TENM1: variants seen among roughly 807,000 people sequenced by gnomAD.
TENM1 encodes teneurin-1.
TENM1 carries 35 observed loss-of-function variants against 174.8 expected under a neutral mutation model. The observed-to-expected ratio is 0.20, with a 90% CI of 0.15 to 0.27. The LOEUF (loss-of-function observed/expected upper bound fraction) is 0.27, where lower values mean the gene tolerates loss of function less well. TENM1 is among the 10% of genes least tolerant of loss of function. The pLI is 1.00. For missense variants in TENM1, 1,633 were observed against 2,130.1 expected (o/e 0.77, Z 4.59); for synonymous variants, 781 against 798.7 (o/e 0.98, Z 0.37).
At chrX:124,889,098 T>A (rs2057434443) in intron 3 of TENM1, among the ~76,000 whole-genome samples, 1 of 112,250 alleles carries the variant, frequency 8.9e-6, no homozygotes, top group Non-Finnish European at 1.9e-5. Context: ...ATCTTTATCA[T>A]GGTATTAACT....
intron 3 of TENM1, among the ~76,000 whole-genome samples, chrX:124,748,394 T>G (rs907350623): frequency 5.1e-4 from 56 of 110,367 alleles, no homozygotes; most frequent in African/African-American, 1.5e-3. Flanking sequence ...TAAATTTTAT[T>G]GTTATGTGTA....
chrX:124,717,487 AACAG>A (rs2053213753), intron 4 of TENM1, among the ~76,000 whole-genome samples: 1 of 111,790 alleles, frequency 8.9e-6, no homozygotes, highest in African/African-American at 3.3e-5. Context: ...ATTATAGGGG[AACAG>A]ACAAAGAAAT....
At chrX:124,520,592 T>A (rs149800873) in exon 18 of TENM1, 2 of 1,209,412 alleles carry the variant, frequency 1.7e-6, no homozygotes, top group Non-Finnish European at 2.2e-6. Context: ...TAGACAAGAT[T>A]AATTGCGGCG....
In TENM1 at chrX:124,951,553, G is replaced by GT. The variant is rs749846003; in HGVS notation, c.217+11983dup. 6.5e-3 allele frequency among the ~76,000 whole-genome samples: 683 copies of GT among 105,380 alleles called. 3 individuals are homozygous for GT. The highest frequency in any genetic ancestry group is 0.023 in the African/African-American group (656 of 29,140). 91.5% of individuals were successfully genotyped at this position (105,380 alleles called of 115,157 possible). A position where few individuals can be genotyped will look rare whatever the true frequency, so the allele number is the denominator to read the frequency against. On this transcript the variant is annotated intron_variant, in intron 1 of 31. Transcript: ENST00000422452. ...GGTTATGAACTTGGACTTCAGTTGT[G>GT]TAATTATTTTATCTAAACTTGATTT...
intron 3 of TENM1, among the ~76,000 whole-genome samples, chrX:124,773,963 G>A (rs1272452367): frequency 1.8e-5 from 2 of 111,831 alleles, no homozygotes; most frequent in East Asian, 5.6e-4. Flanking sequence ...GGATTAGAGA[G>A]CCTGGCAGAG....
At chrX:125,165,164 T>C in the TENM1 span, among the ~76,000 whole-genome samples, 9 of 111,691 alleles carry the variant, frequency 8.1e-5, no homozygotes, top group African/African-American at 2.6e-4. Flanking sequence ...TTAACAAAAT[T>C]ATACCAATTC....
In TENM1 at chrX:124,645,087, T is replaced by C. The variant is rs1405371205; in HGVS notation, c.1876+56A>G. 9 of 1,131,627 alleles carry C rather than the reference T, an allele frequency of 8.0e-6. No homozygotes were observed. The Admixed American group carries it at 2.0e-4, about 26-fold the overall frequency. 93.3% of individuals were successfully genotyped at this position (1,131,627 alleles called of 1,213,427 possible). A position where few individuals can be genotyped will look rare whatever the true frequency, so the allele number is the denominator to read the frequency against. On this transcript the variant is annotated intron_variant, in intron 10 of 31. Transcript: ENST00000422452. ...TCTACTAGGAGAACAGAATGACACCTTGGACAACTGAGTGAGAGAAAAGCC... is the reference window on the plus strand; with the variant it reads ...TCTACTAGGAGAACAGAATGACACCCTGGACAACTGAGTGAGAGAAAAGCC...
chrX:125,133,738 T>G, the TENM1 span, among the ~76,000 whole-genome samples: 1 of 111,547 alleles, frequency 9.0e-6, no homozygotes, highest in African/African-American at 3.3e-5. Context: ...AAACTAGAGG[T>G]CCAGATGAAG....
At chrX:124,617,516 A>C (rs1460296182) in intron 11 of TENM1, among the ~76,000 whole-genome samples, 1 of 111,648 alleles carries the variant, frequency 9.0e-6, no homozygotes. Flanking sequence ...TGATCAAGTA[A>C]AGGTTGGCAG....
intron 3 of TENM1, among the ~76,000 whole-genome samples, chrX:124,770,338 A>G (rs1032185116): frequency 9.0e-6 from 1 of 111,411 alleles, no homozygotes; most frequent in Admixed American, 9.6e-5. Context: ...CCAGTACAGA[A>G]TATCAGAATA....
chrX:124,757,821 T>C (rs2054303802), intron 3 of TENM1, among the ~76,000 whole-genome samples: 1 of 112,517 alleles, frequency 8.9e-6, no homozygotes, highest in African/African-American at 3.2e-5. Flanking sequence ...CGTAAATTAT[T>C]GTATTCTTCA....
chrX:124,596,209 A>G (rs1219951255), intron 11 of TENM1, among the ~76,000 whole-genome samples: 1 of 97,906 alleles, frequency 1.0e-5, no homozygotes, highest in Non-Finnish European at 2.0e-5. Context: ...CTGACTTAAG[A>G]GAAAAAAAAA....
intron 3 of TENM1, among the ~76,000 whole-genome samples, chrX:124,846,237 T>G: frequency 9.0e-6 from 1 of 110,975 alleles, no homozygotes; most frequent in Middle Eastern, 4.6e-3. Context: ...AAGCAGCAGG[T>G]GGTGACCACT....
chrX:124,889,356 T>C (rs1277937003), intron 3 of TENM1, among the ~76,000 whole-genome samples: 1 of 111,757 alleles, frequency 8.9e-6, no homozygotes, highest in Admixed American at 9.5e-5. Context: ...AAAAAAAATC[T>C]GGTTAATCTT....
intron 15 of TENM1, among the ~76,000 whole-genome samples, chrX:124,545,662 G>A (rs2048412823): frequency 9.0e-6 from 1 of 111,424 alleles, no homozygotes; most frequent in South Asian, 3.8e-4. Flanking sequence ...AATAAGTCTC[G>A]ACTATCTAAA....
At chrX:124,685,876 C>G (rs2052352254) in intron 5 of TENM1, among the ~76,000 whole-genome samples, 1 of 111,611 alleles carries the variant, frequency 9.0e-6, no homozygotes, top group Non-Finnish European at 1.9e-5. Context: ...AACCTGTATA[C>G]ACATTATGGA....
At chrX:125,163,882 C>G in the TENM1 span, among the ~76,000 whole-genome samples, 1 of 111,661 alleles carries the variant, frequency 9.0e-6, no homozygotes, top group Admixed American at 9.5e-5. Flanking sequence ...CTAATTCTAA[C>G]ATATCTTAGT....
At chrX:124,464,949 G>T (rs1453017273) in intron 22 of TENM1, among the ~76,000 whole-genome samples, 1 of 111,592 alleles carries the variant, frequency 9.0e-6, no homozygotes. Context: ...AGTTTCCAAG[G>T]CCATTTCCCT....
rs189627180 is a variant in TENM1, at chrX:124,815,087, G to C, written c.536-77890C>G. On this transcript the variant is annotated intron_variant, in intron 3 of 31. Coordinates refer to ENST00000422452, the Ensembl canonical transcript of TENM1. ...TAATCAATTGCATGTATTTATGACT[G>C]TTCCCTCATTATTTCCTAATGAGGA... 7.7e-4 allele frequency among the ~76,000 whole-genome samples: 86 copies of C among 111,516 alleles called. 1 individual carries two copies. Among genetic ancestry groups the C allele is most frequent in the Middle Eastern group, 9.3e-3 (2 of 215 alleles).
Sources: gnomAD v4.1 joint callset for allele counts (sites outside exome capture counted in the v4.1 genomes callset) on GRCh38, gnomAD v4.1.1 for gene constraint, MANE v1.5 for transcripts, NCBI Gene and HGNC (gene_info 2026-07-23, HGNC 2026-07-21) for gene names.